The following STARD13 variants were observed in gnomAD, a reference collection of about 807,000 sequenced individuals.
The protein encoded by STARD13 is stAR-related lipid transfer protein 13.
A neutral mutation model predicts 106.4 loss-of-function variants in STARD13; 62 were observed. The ratio of observed to expected loss-of-function variants is 0.58; its 90% confidence interval spans 0.48 to 0.72. The LOEUF (loss-of-function observed/expected upper bound fraction) is 0.72, where lower values mean the gene tolerates loss of function less well. Ranked by LOEUF, STARD13 falls within the 30% of genes least tolerant of loss-of-function variation. The probability of loss-of-function intolerance (pLI) is 0.00; values close to 1 mark genes in which losing one functional copy is unlikely to be tolerated. For synonymous variants in STARD13, 565 were observed against 553.0 expected, an observed-to-expected ratio of 1.02 and a Z score of -0.31; for missense variants, 1,387 against 1,424.0, an observed-to-expected ratio of 0.97 and a Z score of 0.42.
chr13:33,229,580 C>G (rs1289172514), intron 1 of STARD13, among the ~76,000 whole-genome samples: 1 of 152,200 alleles, frequency 6.6e-6, no homozygotes, highest in Admixed American at 6.5e-5. Flanking sequence ...TCACCCGTGC[C>G]AGGCATGGAC....
chr13:33,236,711 TGAGGTAACAGCAG>T, intron 1 of STARD13, among the ~76,000 whole-genome samples: 1 of 152,328 alleles, frequency 6.6e-6, no homozygotes, highest in South Asian at 2.1e-4. Context: ...TGCTTGATCT[TGAGGTAACAGCAG>T]GAATCAACTG....
chr13:33,497,000 C>T, the STARD13 span, among the ~76,000 whole-genome samples: 1 of 152,020 alleles, frequency 6.6e-6, no homozygotes, highest in Non-Finnish European at 1.5e-5. Context: ...TAAGAGAACT[C>T]TGTTTTGTCT....
the STARD13 span, among the ~76,000 whole-genome samples, chr13:33,500,256 C>T: frequency 1.3e-5 from 2 of 152,128 alleles, no homozygotes; most frequent in African/African-American, 4.8e-5. Context: ...AGGACTAGAA[C>T]CTAGGCCTGC....
At chr13:33,356,055 T>G in the STARD13 span, among the ~76,000 whole-genome samples, 14 of 152,230 alleles carry the variant, frequency 9.2e-5, no homozygotes, top group African/African-American at 3.4e-4. Flanking sequence ...GGTCATCAAC[T>G]TTACAAATAT....
At chr13:33,674,162 A>C in the STARD13 span, among the ~76,000 whole-genome samples, 5 of 152,134 alleles carry the variant, frequency 3.3e-5, no homozygotes, top group Admixed American at 2.6e-4. Flanking sequence ...ACCAGGCCAG[A>C]ATTATTATCT....
the STARD13 span, among the ~76,000 whole-genome samples, chr13:33,388,909 A>G: frequency 6.7e-6 from 1 of 149,556 alleles, no homozygotes; most frequent in Non-Finnish European, 1.5e-5. Flanking sequence ...GACTCTTTAC[A>G]TCTTTGCCTC....
chr13:33,456,753 G>A, the STARD13 span, among the ~76,000 whole-genome samples: 1 of 152,198 alleles, frequency 6.6e-6, no homozygotes, highest in African/African-American at 2.4e-5. Flanking sequence ...CCACTATGTG[G>A]GAATACAGGG....
intron 1 of STARD13, among the ~76,000 whole-genome samples, chr13:33,298,628 T>C (rs1380956869): frequency 1.3e-5 from 2 of 152,164 alleles, no homozygotes; most frequent in African/African-American, 4.8e-5. Flanking sequence ...TATACATGTA[T>C]ATATGCACAC....
chr13:33,569,703 C>T, the STARD13 span, among the ~76,000 whole-genome samples: 1 of 147,580 alleles, frequency 6.8e-6, no homozygotes, highest in South Asian at 2.2e-4. Flanking sequence ...TAACTTCAAT[C>T]GTAATTGATT....
the STARD13 span, among the ~76,000 whole-genome samples, chr13:33,556,080 G>T: frequency 7.2e-5 from 11 of 152,292 alleles, no homozygotes; most frequent in East Asian, 2.1e-3. Flanking sequence ...CATGTTTACT[G>T]TTAAAACTGG....
At chr13:33,561,891 C>T in the STARD13 span, among the ~76,000 whole-genome samples, 7 of 146,238 alleles carry the variant, frequency 4.8e-5, no homozygotes, top group East Asian at 2.0e-4. Context: ...AAACTGTAGC[C>T]GAAAGTAAAA....
chr13:33,154,824 G>T (rs937091228), intron 3 of STARD13, among the ~76,000 whole-genome samples: 7 of 152,146 alleles, frequency 4.6e-5, no homozygotes, highest in Non-Finnish European at 8.8e-5. Flanking sequence ...CATGACTAGC[G>T]ATTTCTGAGA....
At chr13:33,529,365 C>T in the STARD13 span, among the ~76,000 whole-genome samples, 1 of 152,142 alleles carries the variant, frequency 6.6e-6, no homozygotes, top group Non-Finnish European at 1.5e-5. Context: ...TTTGTAGTTT[C>T]ATGCCTTTAT....
chr13:33,197,753 T>C (rs1037019519), intron 1 of STARD13, among the ~76,000 whole-genome samples: 1 of 152,220 alleles, frequency 6.6e-6, no homozygotes, highest in Non-Finnish European at 1.5e-5. Context: ...ATCCTTTTCC[T>C]GTTCCTCCCA....
At chr13:33,350,344 T>G (rs1397590606) in exon 1 of STARD13, 1 of 1,534,420 alleles carries the variant, frequency 6.5e-7, no homozygotes, top group Non-Finnish European at 8.7e-7. Flanking sequence ...GCTCTGGCCG[T>G]GGAGTCCCGC....
At chr13:33,524,253 A>C in the STARD13 span, 7 of 1,276,626 alleles carry the variant, frequency 5.5e-6, no homozygotes, top group Admixed American at 2.4e-5. Context: ...TTTTTGGTTG[A>C]GTTCCAGTTG....
At chr13:33,519,443 G>T in the STARD13 span, among the ~76,000 whole-genome samples, 55 of 150,826 alleles carry the variant, frequency 3.6e-4, no homozygotes, top group Middle Eastern at 3.4e-3. Flanking sequence ...ACCCACCTCG[G>T]CCTCCCAAAG....
At chr13:33,219,518 CAAAAAAAAAAAAAAA>C (rs55933962) in intron 1 of STARD13, among the ~76,000 whole-genome samples, 5 of 61,242 alleles carry the variant, frequency 8.2e-5, no homozygotes, top group East Asian at 1.4e-3. Context: ...GACTCCTTCT[CAAAAAAAAAAAAAAA>C]AAAAAAAAAA....
At position 33,118,099 on chromosome 13, in the gene STARD13, G is replaced by T. The variant is rs758654236; in HGVS notation, c.2247C>A (p.Asn749Lys). Residue 749 changes from asparagine to lysine, a missense_variant, in exon 8 of 14, where the codon AAC becomes AAA. Coordinates refer to ENST00000336934, the MANE Select transcript of STARD13 (RefSeq NM_178006.4). ...FRDLPEPLFT[N>K]KLSETFLHIY... is the part of the protein sequence containing the mutation. ...TATGGAGAAAGGTCTCACTGAGCTTGTTGGTGAAAAGAGGCTCAGGGAGGT... is the reference window on the plus strand; with the variant it reads ...TATGGAGAAAGGTCTCACTGAGCTTTTTGGTGAAAAGAGGCTCAGGGAGGT... 2 of 1,614,232 alleles carry T rather than the reference G, an allele frequency of 1.2e-6. No homozygotes were observed. The highest frequency in any genetic ancestry group is 4.5e-5 in the East Asian group (2 of 44,888).
Sources: gnomAD v4.1 joint callset for allele counts (sites outside exome capture counted in the v4.1 genomes callset) on GRCh38, gnomAD v4.1.1 for gene constraint, MANE v1.5 for transcripts, NCBI Gene and HGNC (gene_info 2026-07-23, HGNC 2026-07-21) for gene names.